Variants in C12orf42 observed in about 807,000 individuals in gnomAD.
The protein encoded by C12orf42 is chromosome 12 open reading frame 42.
Under a neutral mutation model 21.6 loss-of-function variants are expected in C12orf42, and 25 were observed. That is an observed-to-expected ratio of 1.16 (90% CI 0.84 to 1.62). The LOEUF (loss-of-function observed/expected upper bound fraction) is 1.62. Among genes scored for constraint, C12orf42 ranks in the 40% most tolerant of loss-of-function variants. The pLI is 0.00. For synonymous variants in C12orf42, 174 were observed against 175.0 expected (o/e 0.99, Z 0.05); for missense variants, 483 against 459.3 (o/e 1.05, Z -0.47).
At chr12:103,110,379 G>A in the C12orf42 span, among the ~76,000 whole-genome samples, 4 of 152,152 alleles carry the variant, frequency 2.6e-5, no homozygotes, top group African/African-American at 9.7e-5. Flanking sequence ...ACATATGTAT[G>A]CAGTAAACTT....
chr12:103,542,854 G>A, the C12orf42 span, among the ~76,000 whole-genome samples: 3 of 152,194 alleles, frequency 2.0e-5, no homozygotes, highest in African/African-American at 4.8e-5. Flanking sequence ...ACTATCTGAG[G>A]AGGACCTTTG....
At chr12:103,097,887 CCT>C in the C12orf42 span, among the ~76,000 whole-genome samples, 1 of 152,216 alleles carries the variant, frequency 6.6e-6, no homozygotes, top group Non-Finnish European at 1.5e-5. Flanking sequence ...CATATCACTT[CCT>C]CTGTGACACG....
chr12:103,435,689 G>A (rs1296864801), intron 2 of C12orf42, among the ~76,000 whole-genome samples: 2 of 149,494 alleles, frequency 1.3e-5, no homozygotes, highest in Non-Finnish European at 3.0e-5. Context: ...AGCGAGAAGG[G>A]AAGTTTAGAG....
Position 103,368,317 on chromosome 12 carries a change from TCACA to T in C12orf42, c.259+566_259+569del, listed in dbSNP as rs3065785. On this transcript the variant is annotated intron_variant, in intron 4 of 5. Coordinates refer to ENST00000548883, the MANE Select transcript of C12orf42 (RefSeq NM_198521.5). ...TTCTCTCTCTTTCTGTCTCTCTCTCTCACACACACACACACACACACACACACAC... is the reference window on the plus strand; with the variant it reads ...TTCTCTCTCTTTCTGTCTCTCTCTCTCACACACACACACACACACACACAC... Among the ~76,000 whole-genome samples, 2,056 of 146,594 alleles carry T rather than the reference TCACA, an allele frequency of 0.014. 134 individuals are homozygous for T. In the East Asian group the frequency reaches 0.23, roughly 16 times the overall value.
At chr12:103,251,981 C>T (rs1171204124) in intron 10 of C12orf42, among the ~76,000 whole-genome samples, 1 of 152,086 alleles carries the variant, frequency 6.6e-6, no homozygotes, top group East Asian at 1.9e-4. Context: ...ACTTTAAGTT[C>T]TGGGATACAT....
the C12orf42 span, among the ~76,000 whole-genome samples, chr12:103,517,364 C>G: frequency 6.6e-6 from 1 of 152,302 alleles, no homozygotes; most frequent in Non-Finnish European, 1.5e-5. Context: ...CCTGCAGAAA[C>G]CGCACCATGA....
chr12:103,334,387 C>A (rs1214620195), intron 4 of C12orf42, among the ~76,000 whole-genome samples: 1 of 152,110 alleles, frequency 6.6e-6, no homozygotes, highest in Non-Finnish European at 1.5e-5. Flanking sequence ...CAGCATTTTT[C>A]CTACTGACAA....
At chr12:103,496,509 A>C (rs146819670), upstream of C12orf42, among the ~76,000 whole-genome samples, 3 of 152,154 alleles carry the variant, frequency 2.0e-5, no homozygotes, top group East Asian at 3.8e-4. Context: ...CTGGTCAAGG[A>C]CATTTAGCTG....
chr12:103,282,213 CAAAT>C (rs778155568), intron 4 of C12orf42, among the ~76,000 whole-genome samples: 1 of 152,132 alleles, frequency 6.6e-6, no homozygotes, highest in Non-Finnish European at 1.5e-5. Flanking sequence ...AGAAAATCCT[CAAAT>C]AAGAATAAAT....
At chr12:103,367,770 C>G (rs954436107) in intron 4 of C12orf42, among the ~76,000 whole-genome samples, 1 of 151,762 alleles carries the variant, frequency 6.6e-6, no homozygotes, top group Non-Finnish European at 1.5e-5. Context: ...TGTATTATCC[C>G]CCCCCAAAAA....
the C12orf42 span, among the ~76,000 whole-genome samples, chr12:103,145,895 C>G: frequency 6.6e-6 from 1 of 151,438 alleles, no homozygotes; most frequent in Non-Finnish European, 1.5e-5. Flanking sequence ...AGTATGGTGA[C>G]CTTTTGATTT....
chr12:103,209,817 GTCT>G, the C12orf42 span, among the ~76,000 whole-genome samples: 1 of 152,112 alleles, frequency 6.6e-6, no homozygotes, highest in Admixed American at 6.6e-5. Flanking sequence ...GTACCCACAC[GTCT>G]ATGTATACGG....
intron 4 of C12orf42, among the ~76,000 whole-genome samples, chr12:103,338,314 T>C (rs2041893912): frequency 6.6e-6 from 1 of 152,238 alleles, no homozygotes; most frequent in Non-Finnish European, 1.5e-5. Context: ...CACAGCTCTC[T>C]AACAGAACTA....
At chr12:103,563,297 G>A in the C12orf42 span, among the ~76,000 whole-genome samples, 1 of 152,214 alleles carries the variant, frequency 6.6e-6, no homozygotes, top group South Asian at 2.1e-4. Flanking sequence ...TGATCCCCTT[G>A]TCAATTACCA....
At chr12:103,346,396 T>A (rs1204681623) in intron 4 of C12orf42, among the ~76,000 whole-genome samples, 2 of 152,226 alleles carry the variant, frequency 1.3e-5, no homozygotes, top group Admixed American at 6.5e-5. Context: ...TTTTTCTAAA[T>A]TATTTTTAAT....
chr12:103,428,763 A>G (rs1466360550), intron 2 of C12orf42, among the ~76,000 whole-genome samples: 1 of 152,228 alleles, frequency 6.6e-6, no homozygotes, highest in Non-Finnish European at 1.5e-5. Context: ...CAAAAAGCTT[A>G]TCCACCGTGA....
chr12:103,056,103 A>G, the C12orf42 span, among the ~76,000 whole-genome samples: 1 of 152,058 alleles, frequency 6.6e-6, no homozygotes, highest in East Asian at 1.9e-4. Flanking sequence ...TTTTCTGTCT[A>G]GTTGTTCCAT....
intron 1 of C12orf42, 94 bp downstream of exon 1, chr12:103,495,808 G>GGGCGCGGCTGGA (rs1285378980): frequency 6.6e-6 from 1 of 152,126 alleles, no homozygotes; most frequent in Non-Finnish European, 1.5e-5. Context: ...CTCTTCTCAC[G>GGGCGCGGCTGGA]GGCGCGGCTG....
chr12:103,416,289 C>T (rs1476625145), intron 2 of C12orf42, among the ~76,000 whole-genome samples: 3 of 151,444 alleles, frequency 2.0e-5, no homozygotes, highest in East Asian at 1.9e-4. Flanking sequence ...TGGTGAAGCT[C>T]GCAAAATCTG....
Sources: gnomAD v4.1 joint callset for allele counts (sites outside exome capture counted in the v4.1 genomes callset) on GRCh38, gnomAD v4.1.1 for gene constraint, MANE v1.5 for transcripts, NCBI Gene and HGNC (gene_info 2026-07-23, HGNC 2026-07-21) for gene names.